MAGED1: variants seen among roughly 807,000 people sequenced by gnomAD.
MAGED1 encodes the protein MAGE family member D1.
A neutral mutation model predicts 54.1 loss-of-function variants in MAGED1; 3 were observed. The observed-to-expected ratio is 0.06, with a 90% CI of 0.03 to 0.14. The LOEUF is 0.14. Among genes scored for constraint, MAGED1 ranks in the 10% least tolerant of loss-of-function variants. MAGED1 has a pLI of 1.00. For missense variants in MAGED1, 485 were observed against 623.4 expected (o/e 0.78, Z 2.36); for synonymous variants, 217 against 227.3 (o/e 0.95, Z 0.41).
At chrX:51,825,227 G>A (rs1459293078) in intron 1 of MAGED1, among the ~76,000 whole-genome samples, 1 of 110,627 alleles carries the variant, frequency 9.0e-6, no homozygotes, top group Non-Finnish European at 1.9e-5. Flanking sequence ...TCCAGAGAGG[G>A]AGATTGTAGA....
At chrX:51,815,018 C>T (rs1192304678) in intron 1 of MAGED1, among the ~76,000 whole-genome samples, 1 of 105,743 alleles carries the variant, frequency 9.5e-6, no homozygotes, top group African/African-American at 3.5e-5. Context: ...TGACGCACGC[C>T]TGTGGTCCCA....
At position 51,897,062 on chromosome X, in the gene MAGED1, CCTT is replaced by C; in HGVS notation, c.1412_1414del (p.Leu471del). On this transcript the variant is annotated inframe_deletion, in exon 4 of 13. Coordinates refer to ENST00000326587, the MANE Select transcript of MAGED1 (RefSeq NM_006986.4). ...GTGCTGCACAGCCCCGAGATGTGGC[CCTT>C]CTTCAGGAAAGAGTAAGAGCTGTAA... 1 of 1,210,957 alleles carries C rather than the reference CCTT, an allele frequency of 8.3e-7. No individual in the cohort carries two copies. The highest frequency in any genetic ancestry group is 1.1e-6 in the Non-Finnish European group (1 of 894,920).
At chrX:51,864,063 G>A (rs1431497626) in intron 1 of MAGED1, among the ~76,000 whole-genome samples, 1 of 110,732 alleles carries the variant, frequency 9.0e-6, no homozygotes, top group Admixed American at 9.6e-5. Context: ...AAAAATCATT[G>A]TCATGTTCAA....
rs1313191924 is a variant in MAGED1 at position 51,806,237 on chromosome X, G to T, written c.-37+3120G>T. Among the ~76,000 whole-genome samples the T allele has an allele frequency of 6.3e-5, 7 of 111,004 alleles. No homozygotes were observed. In the East Asian group the frequency reaches 1.4e-3, roughly 22 times the overall value. ...TCCACCCGCCTGGGCCTCCCAAAGTGCTGGGATTACAGGCGTGAGCCACCG... is the reference window on the plus strand; with the variant it reads ...TCCACCCGCCTGGGCCTCCCAAAGTTCTGGGATTACAGGCGTGAGCCACCG... On this transcript the variant is annotated intron_variant, in intron 1 of 12. Coordinates refer to the MAGED1 transcript ENST00000375772.
chrX:51,862,280 A>G (rs1927310799), intron 1 of MAGED1, among the ~76,000 whole-genome samples: 1 of 111,691 alleles, frequency 9.0e-6, no homozygotes, highest in Non-Finnish European at 1.9e-5. Context: ...ACACATTTTT[A>G]TCTATTTTAT....
intron 11 of MAGED1, among the ~76,000 whole-genome samples, chrX:51,900,651 A>G (rs1473115554): frequency 1.8e-5 from 2 of 111,407 alleles, no homozygotes; most frequent in African/African-American, 6.6e-5. Flanking sequence ...TTCTCCCGAG[A>G]TGGAGTTTTG....
intron 1 of MAGED1, among the ~76,000 whole-genome samples, chrX:51,804,929 G>A: frequency 9.0e-6 from 1 of 111,212 alleles, no homozygotes; most frequent in Middle Eastern, 4.6e-3. Flanking sequence ...CCTAACCCGC[G>A]GCCACCTTCC....
chrX:51,873,096 TCA>T (rs1272408808), intron 1 of MAGED1, among the ~76,000 whole-genome samples: 2 of 110,926 alleles, frequency 1.8e-5, no homozygotes, highest in Admixed American at 1.9e-4. Flanking sequence ...TTTAATTGAC[TCA>T]CAGTTCTGCA....
chrX:51,886,840 C>T (rs146667763), intron 1 of MAGED1, among the ~76,000 whole-genome samples: 1,777 of 110,564 alleles, frequency 0.016, 18 homozygotes, highest in Non-Finnish European at 0.026. Flanking sequence ...GCAATCACTT[C>T]AGCTCAGGAG....
chrX:51,847,282 C>T (rs1301428235), intron 1 of MAGED1, among the ~76,000 whole-genome samples: 6 of 111,519 alleles, frequency 5.4e-5, no homozygotes, highest in African/African-American at 2.0e-4. Context: ...CCTTTTGGGT[C>T]ACGTTTTTGG....
intron 1 of MAGED1, among the ~76,000 whole-genome samples, chrX:51,874,736 A>G (rs782430954): frequency 9.0e-6 from 1 of 110,984 alleles, no homozygotes; most frequent in African/African-American, 3.3e-5. Flanking sequence ...TAATTATAAC[A>G]TCTATTAAAT....
chrX:51,883,300 C>G (rs376811817), intron 1 of MAGED1, among the ~76,000 whole-genome samples: 8 of 111,135 alleles, frequency 7.2e-5, no homozygotes, highest in African/African-American at 2.6e-4. Context: ...TATCACCACC[C>G]AACAGTAACA....
chrX:51,897,950 C>T (rs1213103632), intron 7 of MAGED1, 64 bp downstream of exon 7: 21 of 967,542 alleles, frequency 2.2e-5, no homozygotes, highest in Admixed American at 4.9e-5. Flanking sequence ...AGGAGTTTCA[C>T]GTAGATCAGG....
intron 1 of MAGED1, among the ~76,000 whole-genome samples, chrX:51,864,457 G>A (rs782183640): frequency 7.2e-4 from 80 of 111,666 alleles, no homozygotes; most frequent in African/African-American, 2.3e-3. Context: ...AAATCAGGAA[G>A]TATGATGCCT....
At chrX:51,828,796 G>A (rs1194682207) in intron 1 of MAGED1, among the ~76,000 whole-genome samples, 1 of 110,350 alleles carries the variant, frequency 9.1e-6, no homozygotes, top group African/African-American at 3.3e-5. Flanking sequence ...AAAGAAAACA[G>A]GTGAAATTAA....
chrX:51,826,485 T>A (rs1219429648), intron 1 of MAGED1, among the ~76,000 whole-genome samples: 7 of 111,678 alleles, frequency 6.3e-5, no homozygotes, highest in Non-Finnish European at 9.4e-5. Context: ...TTGGCAAAGA[T>A]TGTCCTTCTC....
At chrX:51,886,562 T>G (rs1389116821) in intron 1 of MAGED1, among the ~76,000 whole-genome samples, 3 of 106,830 alleles carry the variant, frequency 2.8e-5, no homozygotes, top group African/African-American at 1.0e-4. Context: ...AGAAAAGCAA[T>G]ACAGATCAGA....
At chrX:51,885,142 C>A (rs1340269118) in intron 1 of MAGED1, among the ~76,000 whole-genome samples, 1 of 111,594 alleles carries the variant, frequency 9.0e-6, no homozygotes, top group African/African-American at 3.3e-5. Flanking sequence ...TTTGAGGAAC[C>A]TCTATACTGT....
rs782350059 is a variant in MAGED1 at position 51,901,571 on chromosome X, C to T, written c.1978C>T (p.Arg660Cys). Residue 660 changes from arginine to cysteine, a missense_variant, in exon 12 of 13, where the codon CGT becomes TGT. Physicochemically the swap from Arg to Cys is radical, Grantham distance 180. This residue lies in a region of MAGED1 where 186 missense variants were observed against 330.3 expected (regional missense o/e 0.56). Transcript: ENST00000326587. ...FIAEVQKRDPRDWTAQFMEAA... is the reference protein window; with the variant it reads ...FIAEVQKRDPCDWTAQFMEAA... Reference sequence around the variant, plus strand: ...ATCTCAGGTTCAGAAAAGAGACCCTCGTGACTGGACTGCACAGTTCATGGA... The same window carrying T: ...ATCTCAGGTTCAGAAAAGAGACCCTTGTGACTGGACTGCACAGTTCATGGA... 5.2e-6 allele frequency: 6 copies of T among 1,157,295 alleles called. No homozygotes were observed. The highest frequency in any genetic ancestry group is 2.8e-5 in the Admixed American group (1 of 36,332).
Sources: gnomAD v4.1 joint callset for allele counts (sites outside exome capture counted in the v4.1 genomes callset) on GRCh38, gnomAD v4.1.1 for gene constraint, gnomAD v4.1.1 regional missense constraint, MANE v1.5 for transcripts, NCBI Gene and HGNC (gene_info 2026-07-23, HGNC 2026-07-21) for gene names.